DLGAP1: variants seen among roughly 807,000 people sequenced by gnomAD.
DLGAP1 encodes disks large-associated protein 1.
DLGAP1 carries 11 observed loss-of-function variants against 90.8 expected under a neutral mutation model. That is an observed-to-expected ratio of 0.12 (90% confidence interval 0.08 to 0.20). The LOEUF (loss-of-function observed/expected upper bound fraction) is 0.20. Ranked by LOEUF, DLGAP1 falls within the 10% of genes least tolerant of loss-of-function variation. The pLI, the probability that DLGAP1 is intolerant of heterozygous loss-of-function variation, is 1.00. For synonymous variants in DLGAP1, 558 were observed against 540.7 expected (o/e 1.03, Z -0.44); for missense variants, 1,050 against 1,333.8 (o/e 0.79, Z 3.31).
intron 3 of DLGAP1, among the ~76,000 whole-genome samples, chr18:3,928,504 T>C (rs2072443208): frequency 6.6e-6 from 1 of 152,198 alleles, no homozygotes; most frequent in Admixed American, 6.5e-5. Context: ...AATAATTTAA[T>C]AGTGATGATG....
intron 2 of DLGAP1, among the ~76,000 whole-genome samples, chr18:4,093,537 A>G (rs1009645850): frequency 2.0e-5 from 3 of 152,144 alleles, no homozygotes; most frequent in African/African-American, 7.2e-5. Flanking sequence ...TCATAAGTGC[A>G]TATGAAAACA....
intron 4 of DLGAP1, among the ~76,000 whole-genome samples, chr18:3,873,350 T>C (rs1325945160): frequency 1.3e-5 from 2 of 152,178 alleles, no homozygotes; most frequent in Admixed American, 1.3e-4. Context: ...GGGAGAAGAT[T>C]GTGCAAACCC....
intron 7 of DLGAP1, among the ~76,000 whole-genome samples, chr18:3,585,486 C>T (rs972524153): frequency 6.6e-6 from 1 of 152,230 alleles, no homozygotes; most frequent in Non-Finnish European, 1.5e-5. Context: ...GTCTTTACAA[C>T]GTGAACTCAC....
At chr18:4,140,579 A>C (rs946734277) in intron 2 of DLGAP1, among the ~76,000 whole-genome samples, 5 of 151,868 alleles carry the variant, frequency 3.3e-5, no homozygotes, top group Non-Finnish European at 5.9e-5. Flanking sequence ...ACAATTTACA[A>C]CACCACAGTG....
chr18:3,787,782 C>T (rs768577858), intron 5 of DLGAP1, among the ~76,000 whole-genome samples: 4 of 152,066 alleles, frequency 2.6e-5, no homozygotes, highest in Non-Finnish European at 4.4e-5. Flanking sequence ...TTTGATATGT[C>T]GAACTGAAGA....
chr18:4,433,269 T>C (rs1033014991), intron 1 of DLGAP1, among the ~76,000 whole-genome samples: 14 of 152,222 alleles, frequency 9.2e-5, no homozygotes, highest in Non-Finnish European at 1.6e-4. Flanking sequence ...TGTAATAAGG[T>C]GCCAGAAAGG....
chr18:4,154,500 C>T (rs372820483), intron 1 of DLGAP1, among the ~76,000 whole-genome samples: 19 of 152,022 alleles, frequency 1.2e-4, no homozygotes, highest in Middle Eastern at 3.2e-3. Flanking sequence ...ACTTTAGTTA[C>T]GGTATTCCAA....
intron 7 of DLGAP1, among the ~76,000 whole-genome samples, chr18:3,718,539 C>A (rs1295757957): frequency 6.6e-6 from 1 of 152,070 alleles, no homozygotes; most frequent in Non-Finnish European, 1.5e-5. Flanking sequence ...TCTAAGGAAA[C>A]CGCCTTGCCC....
intron 9 of DLGAP1, among the ~76,000 whole-genome samples, chr18:3,557,052 T>G (rs921176379): frequency 6.6e-6 from 1 of 152,236 alleles, no homozygotes; most frequent in Non-Finnish European, 1.5e-5. Flanking sequence ...CTGTTATAAT[T>G]TTATTTATTT....
In DLGAP1 at chr18:3,614,403, T is replaced by A. The variant is rs566491975; in HGVS notation, c.1592-32155A>T. On this transcript the variant is annotated intron_variant, in intron 7 of 12. Coordinates refer to ENST00000315677, the MANE Select transcript of DLGAP1 (RefSeq NM_004746.4). ...AGAAAGGGAGAAAATGCTGTAAAAATTAATATGGGTCAAAAGAAATGATCT... is the reference window on the plus strand; with the variant it reads ...AGAAAGGGAGAAAATGCTGTAAAAAATAATATGGGTCAAAAGAAATGATCT... Among the ~76,000 whole-genome samples the A allele has an allele frequency of 9.9e-5, 15 of 152,144 alleles. 1 individual carries two copies. The highest frequency in any genetic ancestry group is 3.1e-4 in the African/African-American group (13 of 41,534).
chr18:4,003,991 A>C (rs1349090238), intron 3 of DLGAP1, among the ~76,000 whole-genome samples: 1 of 152,180 alleles, frequency 6.6e-6, no homozygotes, highest in African/African-American at 2.4e-5. Flanking sequence ...TATAATATTC[A>C]GGATAATTTC....
intron 1 of DLGAP1, among the ~76,000 whole-genome samples, chr18:4,169,252 G>A (rs1598530506): frequency 6.6e-6 from 1 of 152,146 alleles, no homozygotes; most frequent in South Asian, 2.1e-4. Context: ...TGGGTGTGAA[G>A]TGGTATCTCA....
intron 1 of DLGAP1, among the ~76,000 whole-genome samples, chr18:4,353,805 T>TA (rs1431153911): frequency 6.6e-6 from 1 of 152,124 alleles, no homozygotes; most frequent in Non-Finnish European, 1.5e-5. Flanking sequence ...TCCTGAAGTT[T>TA]AGTGTTGGGC....
chr18:4,103,265 T>C (rs2075808476), intron 2 of DLGAP1, among the ~76,000 whole-genome samples: 1 of 152,212 alleles, frequency 6.6e-6, no homozygotes, highest in Admixed American at 6.5e-5. Flanking sequence ...ATCATAACTG[T>C]AGAGGAACTG....
intron 7 of DLGAP1, among the ~76,000 whole-genome samples, chr18:3,686,038 A>G (rs2146955161): frequency 6.6e-6 from 1 of 151,882 alleles, no homozygotes; most frequent in East Asian, 2.0e-4. Context: ...TTAATTGGGC[A>G]TGGTGGCACG....
intron 1 of DLGAP1, among the ~76,000 whole-genome samples, chr18:4,154,926 T>C (rs1238063454): frequency 6.6e-6 from 1 of 151,960 alleles, no homozygotes; most frequent in African/African-American, 2.4e-5. Flanking sequence ...TGAAGACAAA[T>C]AAACAGAAAG....
chr18:3,647,186 G>A lies in DLGAP1; in HGVS notation c.1592-64938C>T, dbSNP rs561345710. 5.3e-5 allele frequency among the ~76,000 whole-genome samples: 8 copies of A among 151,888 alleles called. No individual in the cohort carries two copies. The South Asian group carries it at 8.3e-4, about 16-fold the overall frequency. On this transcript the variant is annotated intron_variant, in intron 7 of 12. Transcript: ENST00000315677. The stretch of plus-strand genomic sequence containing the variant: ...GGAGAATCGCTTGAACCTGGGAGGC[G>A]CAGGTTGGAGTGAGCTGAGATTGTG...
intron 9 of DLGAP1, 24 bp from the exon 10 acceptor site, chr18:3,534,639 T>A (rs1417716376): frequency 6.6e-7 from 1 of 1,514,528 alleles, no homozygotes; most frequent in East Asian, 2.3e-5. Flanking sequence ...AAAAAAGAAA[T>A]TTAGTTAGAG....
Position 3,534,483 on chromosome 18 carries a change from G to C in DLGAP1, c.2190C>G (p.Phe730Leu), listed in dbSNP as rs2052212357. Reference sequence around the variant, plus strand: ...CTGTGGAGGTGCTGGCATCGCGGGAGAACTGTCTGGCCATGGGGCCAGGAC... The same window carrying C: ...CTGTGGAGGTGCTGGCATCGCGGGACAACTGTCTGGCCATGGGGCCAGGAC... Reference protein sequence around the residue: ...NSCPGPMARQFSRDASTSTVS... With the variant: ...NSCPGPMARQLSRDASTSTVS... The change falls in exon 10 of 13, where the codon TTC becomes TTG. Residue 730 changes from phenylalanine to leucine, a missense_variant. Phe to Leu is a conservative substitution (Grantham distance 22). This residue lies in a region of DLGAP1 where 565 missense variants were observed against 879.7 expected (regional missense o/e 0.64). Coordinates refer to ENST00000315677, the MANE Select transcript of DLGAP1 (RefSeq NM_004746.4). The C allele has an allele frequency of 4.3e-6, 7 of 1,614,218 alleles. No individual in the cohort carries two copies. The highest frequency in any genetic ancestry group is 5.9e-6 in the Non-Finnish European group (7 of 1,180,024).
Sources: gnomAD v4.1 joint callset for allele counts (sites outside exome capture counted in the v4.1 genomes callset) on GRCh38, gnomAD v4.1.1 for gene constraint, gnomAD v4.1.1 regional missense constraint, MANE v1.5 for transcripts, NCBI Gene and HGNC (gene_info 2026-07-23, HGNC 2026-07-21) for gene names.